Variants in LRRC2 observed in about 807,000 individuals in gnomAD.
The protein encoded by LRRC2 is leucine-rich repeat-containing protein 2.
Under a neutral mutation model 40.2 loss-of-function variants are expected in LRRC2, and 27 were observed. The ratio of observed to expected loss-of-function variants is 0.67; its 90% confidence interval spans 0.49 to 0.93. LRRC2 has a LOEUF of 0.93. Among genes scored for constraint, LRRC2 ranks in the 40% least tolerant of loss-of-function variants. LRRC2 has a pLI of 0.00. For missense variants in LRRC2, 402 were observed against 439.6 expected, an observed-to-expected ratio of 0.91 and a Z score of 0.76; for synonymous variants, 147 against 158.9, an observed-to-expected ratio of 0.92 and a Z score of 0.56.
intron 2 of LRRC2, among the ~76,000 whole-genome samples, chr3:46,550,377 CTTTTTTTTTTT>C (rs34602158): frequency 1.7e-4 from 14 of 84,020 alleles, no homozygotes; most frequent in African/African-American, 6.5e-4. Context: ...CCTTACACAT[CTTTTTTTTTTT>C]TTTTTTTTTT....
In LRRC2 at chr3:46,517,930, C is replaced by T. The variant is rs983073683; in HGVS notation, c.*1084G>A. On this transcript the variant is annotated 3_prime_UTR_variant, in exon 9 of 9. Transcript: ENST00000395905. ...CAGTGTGGACTGGTCATCTCCATTA[C>T]CCTACATGGCCATCTTGGAGGAAGG... The T allele has an allele frequency of 1.3e-5, 2 of 152,324 alleles. No individual in the cohort carries two copies. The highest frequency in any genetic ancestry group is 1.3e-4 in the Admixed American group (2 of 15,288). The allele number at this position is 152,324 out of a possible 1,614,324, so 9.4% of individuals were successfully genotyped here. A position where few individuals can be genotyped will look rare whatever the true frequency, so the allele number is the denominator to read the frequency against.
Position 46,527,569 on chromosome 3 carries a change from C to T in LRRC2, c.786G>A (p.Leu262=). 1 of 1,613,910 alleles carries T rather than the reference C, an allele frequency of 6.2e-7. No individual in the cohort carries two copies. Among genetic ancestry groups the T allele is most frequent in the Non-Finnish European group, 8.5e-7 (1 of 1,179,844 alleles). ...LPQDIDRLEE[L]QSFLLYKNKL... is the part of the protein sequence containing the mutation. ...TGTTTTTATACAAGAGAAAGCTCTG[C>T]AGCTCCTCTAGCCTAAGAAGAGGTA... The change falls in exon 7 of 9, where the codon CTG becomes CTA. Residue 262 remains leucine (L), a synonymous_variant. Coordinates refer to ENST00000395905, the MANE Select transcript of LRRC2 (RefSeq NM_024512.5).
intron 8 of LRRC2, among the ~76,000 whole-genome samples, chr3:46,521,277 G>A (rs1703959340): frequency 6.6e-6 from 1 of 152,106 alleles, no homozygotes; most frequent in Non-Finnish European, 1.5e-5. Flanking sequence ...TTAAGTGCAC[G>A]TTTCCCAGCC....
intron 6 of LRRC2, among the ~76,000 whole-genome samples, chr3:46,528,477 C>T (rs1185516851): frequency 2.0e-5 from 3 of 152,090 alleles, no homozygotes; most frequent in Admixed American, 6.6e-5. Context: ...TCTCTCATTA[C>T]GTCTTCCAAC....
chr3:46,560,688 G>T (rs1704918262), intron 1 of LRRC2, among the ~76,000 whole-genome samples: 1 of 152,222 alleles, frequency 6.6e-6, no homozygotes. Flanking sequence ...GTTCCCTGCT[G>T]TGGGTCTGGT....
rs112269221 is a variant in LRRC2 at position 46,518,039 on chromosome 3, A to G, written c.*975T>C. The G allele has an allele frequency of 6.6e-6, 1 of 152,292 alleles. No individual in the cohort carries two copies. The allele number at this position is 152,292 out of a possible 1,614,324, so 9.4% of individuals were successfully genotyped here. On this transcript the variant is annotated 3_prime_UTR_variant, in exon 9 of 9. Coordinates refer to ENST00000395905, the MANE Select transcript of LRRC2 (RefSeq NM_024512.5). ...ACCACTCAGGACTGGATGGCCATCC[A>G]TGAAGGCCACTGAAGACTTCCCATG...
At position 46,517,359 on chromosome 3, in the gene LRRC2, C is replaced by T. The variant is rs1043651835; in HGVS notation, c.*1655G>A. 1 of 150,112 alleles carries T rather than the reference C, an allele frequency of 6.7e-6. No homozygotes were observed. The highest frequency in any genetic ancestry group is 2.5e-5 in the African/African-American group (1 of 40,776). 9.3% of individuals were successfully genotyped at this position (150,112 alleles called of 1,614,324 possible). On this transcript the variant is annotated 3_prime_UTR_variant, in exon 9 of 9. Coordinates refer to ENST00000395905, the MANE Select transcript of LRRC2 (RefSeq NM_024512.5). The stretch of plus-strand genomic sequence containing the variant: ...TTTGCTTTTGAGACAGGGTCTCACT[C>T]TGTCACCCAGGCTGGAGGGCAGTGT...
intron 3 of LRRC2, among the ~76,000 whole-genome samples, chr3:46,540,392 G>A (rs1208607178): frequency 6.6e-6 from 1 of 152,108 alleles, no homozygotes; most frequent in African/African-American, 2.4e-5. Flanking sequence ...AGGTGTGGTG[G>A]CGTGCACTTG....
At chr3:46,533,823 TTCTC>T (rs1240521501) in intron 4 of LRRC2, among the ~76,000 whole-genome samples, 1 of 110,102 alleles carries the variant, frequency 9.1e-6, no homozygotes, top group Admixed American at 8.2e-5. Context: ...TTCTTTTTCT[TTCTC>T]TCTCTGCCTG....
Position 46,545,035 on chromosome 3 carries a change from C to A in LRRC2, c.333+11G>T. The A allele has an allele frequency of 6.2e-7, 1 of 1,611,374 alleles. No homozygotes were observed. On this transcript the variant is annotated intron_variant, in intron 3 of 8. Coordinates refer to ENST00000395905, the MANE Select transcript of LRRC2 (RefSeq NM_024512.5). ...ACAGCACTGCATTGGGCGAGAACTG[C>A]CTCGACTCACCGTCCAGTGCTCCCC...
intron 1 of LRRC2, among the ~76,000 whole-genome samples, chr3:46,562,615 A>G (rs1704969365): frequency 6.6e-6 from 1 of 152,146 alleles, no homozygotes; most frequent in Non-Finnish European, 1.5e-5. Flanking sequence ...CACATATCTC[A>G]AAGAAACATG....
At chr3:46,545,305 C>T in intron 2 of LRRC2, 52 bp from the exon 3 acceptor site, 1 of 1,550,446 alleles carries the variant, frequency 6.4e-7, no homozygotes, top group South Asian at 1.1e-5. Context: ...TGGCCATCAC[C>T]TGCCTAGAGA....
rs1703915672 is a variant in LRRC2 at position 46,518,862 on chromosome 3, T to G, written c.*152A>C. 1 of 626,336 alleles carries G rather than the reference T, an allele frequency of 1.6e-6. No homozygotes were observed. Among genetic ancestry groups the G allele is most frequent in the East Asian group, 2.5e-5 (1 of 39,524 alleles). 38.8% of individuals were successfully genotyped at this position (626,336 alleles called of 1,614,324 possible). Reference sequence around the variant, plus strand: ...CCATGGAGGGAGATACTCATGTATTTGACATTTGAAAACCATTTTTTTTAG... The same window carrying G: ...CCATGGAGGGAGATACTCATGTATTGGACATTTGAAAACCATTTTTTTTAG... On this transcript the variant is annotated 3_prime_UTR_variant, in exon 9 of 9. Transcript: ENST00000395905.
At chr3:46,559,786 C>T (rs1704895068) in intron 1 of LRRC2, 1 of 152,174 alleles carries the variant, frequency 6.6e-6, no homozygotes, top group African/African-American at 2.4e-5. Context: ...GTCATTACTA[C>T]TCTCAGTATT....
chr3:46,562,307 C>G (rs1704961227), intron 1 of LRRC2, among the ~76,000 whole-genome samples: 1 of 152,184 alleles, frequency 6.6e-6, no homozygotes, highest in Non-Finnish European at 1.5e-5. Flanking sequence ...AGCAGATCCT[C>G]CATCCCCAGT....
At chr3:46,529,498 G>C (rs893863820) in intron 6 of LRRC2, among the ~76,000 whole-genome samples, 9 of 152,190 alleles carry the variant, frequency 5.9e-5, no homozygotes, top group African/African-American at 2.2e-4. Context: ...AATTTTGTTT[G>C]AAAGTTTATG....
chr3:46,528,691 C>T (rs1030031380), intron 6 of LRRC2, among the ~76,000 whole-genome samples: 1 of 152,104 alleles, frequency 6.6e-6, no homozygotes, highest in Non-Finnish European at 1.5e-5. Context: ...CTCTTAGCCT[C>T]AAAAGCCTAG....
chr3:46,542,083 G>A (rs1236094046), intron 3 of LRRC2, among the ~76,000 whole-genome samples: 1 of 152,096 alleles, frequency 6.6e-6, no homozygotes. Flanking sequence ...AAAGCTAAGT[G>A]TGCCCGACAC....
intron 3 of LRRC2, among the ~76,000 whole-genome samples, chr3:46,540,780 T>TC (rs1364129365): frequency 6.6e-6 from 1 of 152,176 alleles, no homozygotes; most frequent in Non-Finnish European, 1.5e-5. Flanking sequence ...TGCCCCCTTC[T>TC]CGTGGCCCTG....
Sources: allele counts gnomAD v4.1 joint callset (sites outside exome capture counted in the v4.1 genomes callset), GRCh38; gene constraint gnomAD v4.1.1; transcripts MANE v1.5; gene names NCBI Gene and HGNC (gene_info 2026-07-23, HGNC 2026-07-21).